Variants in ADAMTSL1 observed in about 807,000 individuals in gnomAD.
The protein encoded by ADAMTSL1 is ADAMTS-like protein 1.
Under a neutral mutation model 201.8 loss-of-function variants are expected in ADAMTSL1, and 126 were observed. The ratio of observed to expected loss-of-function variants is 0.62; its 90% CI spans 0.54 to 0.72. The LOEUF is 0.72. Ranked by LOEUF, ADAMTSL1 falls within the 30% of genes least tolerant of loss-of-function variation. The pLI, the probability that ADAMTSL1 is intolerant of heterozygous loss-of-function variation, is 0.00. For synonymous variants in ADAMTSL1, 1,121 were observed against 903.4 expected, an observed-to-expected ratio of 1.24 and a Z score of -4.32; for missense variants, 2,679 against 2,277.8, an observed-to-expected ratio of 1.18 and a Z score of -3.59.
At chr9:18,752,768 T>C (rs776515908) in intron 15 of ADAMTSL1, among the ~76,000 whole-genome samples, 7 of 152,216 alleles carry the variant, frequency 4.6e-5, no homozygotes, top group Non-Finnish European at 8.8e-5. Context: ...CAGGCAGTGA[T>C]GATGTTTAAA....
intron 2 of ADAMTSL1, among the ~76,000 whole-genome samples, chr9:18,210,440 A>G (rs1307166663): frequency 1.4e-5 from 2 of 147,004 alleles, no homozygotes; most frequent in East Asian, 3.9e-4. Flanking sequence ...TATATTATGT[A>G]TGATATATTA....
intron 17 of ADAMTSL1, 133 bp downstream of exon 17, chr9:18,770,914 A>T (rs1031851005): frequency 1.0e-6 from 1 of 998,622 alleles, no homozygotes; most frequent in Non-Finnish European, 1.4e-6. Context: ...TTTTGTAACC[A>T]TATATACCGT....
In ADAMTSL1 at chr9:18,367,828, T is replaced by G. The variant is rs145174084; in HGVS notation, c.208-137001T>G. 5.2e-3 allele frequency among the ~76,000 whole-genome samples: 791 copies of G among 152,186 alleles called. 8 individuals carry two copies. Among genetic ancestry groups the G allele is most frequent in the African/African-American group, 0.018 (765 of 41,536 alleles). On this transcript the variant is annotated intron_variant, in intron 2 of 29. Coordinates refer to the ADAMTSL1 transcript ENST00000680146. ...TCCAGGCAACGGATGGGTGGATGGA[T>G]GGGCGGGCAGGTGGGCAGTCAGACA...
chr9:18,505,105 TTG>T, intron 2 of ADAMTSL1, 149 bp downstream of exon 2: 1 of 1,120,954 alleles, frequency 8.9e-7, no homozygotes, highest in Non-Finnish European at 1.2e-6. Context: ...ATAATTAAAT[TTG>T]TGTTCTTACG....
At chr9:18,798,899 C>G (rs1167451509) in intron 20 of ADAMTSL1, among the ~76,000 whole-genome samples, 1 of 152,202 alleles carries the variant, frequency 6.6e-6, no homozygotes, top group Non-Finnish European at 1.5e-5. Flanking sequence ...ACAGCCAAAC[C>G]TTCCTTGCTC....
intron 21 of ADAMTSL1, among the ~76,000 whole-genome samples, chr9:18,823,675 A>C (rs568770941): frequency 6.6e-6 from 1 of 152,344 alleles, no homozygotes; most frequent in South Asian, 2.1e-4. Flanking sequence ...TGTGAGGGAA[A>C]GAGGATGAAT....
intron 1 of ADAMTSL1, among the ~76,000 whole-genome samples, chr9:18,056,840 A>G (rs1365388357): frequency 6.6e-6 from 1 of 152,070 alleles, no homozygotes; most frequent in African/African-American, 2.4e-5. Context: ...AGTGCCCTTC[A>G]CAGACCTCTC....
At chr9:18,750,791 G>A (rs1193150610) in intron 15 of ADAMTSL1, among the ~76,000 whole-genome samples, 1 of 152,214 alleles carries the variant, frequency 6.6e-6, no homozygotes, top group Non-Finnish European at 1.5e-5. Flanking sequence ...TGAGGTTGCA[G>A]TTATCTAAAG....
intron 3 of ADAMTSL1, among the ~76,000 whole-genome samples, chr9:18,553,159 C>T (rs1329726835): frequency 6.7e-6 from 1 of 149,102 alleles, no homozygotes; most frequent in African/African-American, 2.5e-5. Context: ...AGTTGGCCTG[C>T]TTTTCCAATG....
chr9:18,319,825 A>G (rs1159450582), intron 2 of ADAMTSL1, among the ~76,000 whole-genome samples: 3 of 152,196 alleles, frequency 2.0e-5, no homozygotes, highest in African/African-American at 7.2e-5. Context: ...GTTACCTTAC[A>G]TGGCAAAGTA....
intron 20 of ADAMTSL1, among the ~76,000 whole-genome samples, chr9:18,813,293 C>A (rs1030483179): frequency 6.6e-6 from 1 of 152,080 alleles, no homozygotes; most frequent in African/African-American, 2.4e-5. Context: ...CTCAAGGTTT[C>A]TTTGGCTATT....
chr9:18,891,095 G>A (rs76681189), intron 25 of ADAMTSL1, among the ~76,000 whole-genome samples: 22,439 of 152,162 alleles, frequency 0.15, 1,770 homozygotes, highest in Middle Eastern at 0.27. Flanking sequence ...ACAAAACTAA[G>A]TAAGTCACAG....
rs570396231 is a variant in ADAMTSL1, at chr9:17,945,518, T to C, written c.87+38596T>C. ...GTGGCTGTAAAGACACATGCACACG[T>C]ATGTTTATTGCGGCATTATTCACAA... is the stretch of plus-strand genomic sequence containing the variant. On this transcript the variant is annotated intron_variant, in intron 1 of 29. Transcript: ENST00000680146. Among the ~76,000 whole-genome samples the C allele has an allele frequency of 1.6e-4, 25 of 151,918 alleles. 1 individual carries two copies. The South Asian group carries it at 5.0e-3, about 30-fold the overall frequency.
rs1832462635 is a variant in ADAMTSL1 at position 18,273,420 on chromosome 9, A to T, written c.207+109439A>T. Among the ~76,000 whole-genome samples the T allele has an allele frequency of 2.0e-5, 3 of 152,170 alleles. No homozygotes were observed. In the South Asian group the frequency reaches 6.2e-4, roughly 31 times the overall value. ...TTGACATCCATAGTAGAACACTTTT[A>T]GTTGTGTTATTGGATATAGCTGTCT... On this transcript the variant is annotated intron_variant, in intron 2 of 29. Transcript: ENST00000680146.
At chr9:18,022,319 C>T (rs1820510679) in intron 1 of ADAMTSL1, among the ~76,000 whole-genome samples, 1 of 152,138 alleles carries the variant, frequency 6.6e-6, no homozygotes, top group African/African-American at 2.4e-5. Context: ...ACTCTGGCCC[C>T]AGCAGGAGGC....
rs1009788338 is a variant in ADAMTSL1, at chr9:18,070,916, G to C, written c.88-92946G>C. Among the ~76,000 whole-genome samples the C allele has an allele frequency of 2.6e-5, 4 of 152,330 alleles. No individual in the cohort carries two copies. The South Asian group carries it at 8.3e-4, about 32-fold the overall frequency. ...GAATGTTGTCCAGCAGCACTTGGCAGCCCAGGTCTAGGGGCAGAGAAGAAA... is the reference window on the plus strand; with the variant it reads ...GAATGTTGTCCAGCAGCACTTGGCACCCCAGGTCTAGGGGCAGAGAAGAAA... On this transcript the variant is annotated intron_variant, in intron 1 of 29. Coordinates refer to the ADAMTSL1 transcript ENST00000680146.
At chr9:18,623,560 A>T (rs916085370) in intron 5 of ADAMTSL1, among the ~76,000 whole-genome samples, 1 of 152,148 alleles carries the variant, frequency 6.6e-6, no homozygotes, top group Non-Finnish European at 1.5e-5. Flanking sequence ...GGTGCCTCAG[A>T]TGTCTACCCA....
intron 2 of ADAMTSL1, among the ~76,000 whole-genome samples, chr9:18,181,090 A>G (rs558629511): frequency 7.5e-4 from 115 of 152,344 alleles, no homozygotes; most frequent in Non-Finnish European, 1.2e-3. Context: ...CATATGTAGA[A>G]AGCTGAAACT....
rs77917437 is a variant in ADAMTSL1 at position 18,685,106 on chromosome 9, G to A, written c.1574+306G>A. ...CAAAGGTGAGAAGGCCCAGGCTGCAGCTGATGATATAACATAGATTTGATG... is the reference window on the plus strand; with the variant it reads ...CAAAGGTGAGAAGGCCCAGGCTGCAACTGATGATATAACATAGATTTGATG... On this transcript the variant is annotated intron_variant, in intron 13 of 28. Coordinates refer to ENST00000380548, the MANE Select transcript of ADAMTSL1 (RefSeq NM_001040272.6). 4.9e-3 allele frequency: 2,797 copies of A among 569,712 alleles called. 89 individuals are homozygous for A. The African/African-American group carries it at 0.051, about 10-fold the overall frequency. 35.3% of individuals were successfully genotyped at this position (569,712 alleles called of 1,614,324 possible). A position where few individuals can be genotyped will look rare whatever the true frequency, so the allele number is the denominator to read the frequency against.
Sources: allele counts gnomAD v4.1 joint callset (sites outside exome capture counted in the v4.1 genomes callset), GRCh38; gene constraint gnomAD v4.1.1; transcripts MANE v1.5; gene names NCBI Gene and HGNC (gene_info 2026-07-23, HGNC 2026-07-21).